GALNT18: variants seen among roughly 807,000 people sequenced by gnomAD.
The protein encoded by GALNT18 is GalNAc-transferase 18.
In GALNT18, 44 loss-of-function variants were observed where a neutral mutation model predicts 69.5. That is an observed-to-expected ratio of 0.63 (90% CI 0.50 to 0.81). The LOEUF is 0.81. Ranked by LOEUF, GALNT18 falls within the 40% of genes least tolerant of loss-of-function variation. The probability of loss-of-function intolerance (pLI) is 0.00; values close to 1 mark genes in which losing one functional copy is unlikely to be tolerated. For synonymous variants in GALNT18, 364 were observed against 318.2 expected (o/e 1.14, Z -1.53); for missense variants, 715 against 810.0 (o/e 0.88, Z 1.42).
intron 3 of GALNT18, among the ~76,000 whole-genome samples, chr11:11,412,611 G>A (rs772725504): frequency 5.9e-5 from 9 of 152,224 alleles, no homozygotes; most frequent in Non-Finnish European, 1.0e-4. Flanking sequence ...GTTCCAGCAT[G>A]CCTTGCAGTT....
At chr11:11,379,572 T>G (rs10831607) in intron 3 of GALNT18, among the ~76,000 whole-genome samples, 94,792 of 152,142 alleles carry the variant, frequency 0.62, 30,097 homozygotes, top group Middle Eastern at 0.78. Flanking sequence ...GCTCAAAAGA[T>G]TTTATCAAGT....
intron 1 of GALNT18, among the ~76,000 whole-genome samples, chr11:11,462,232 G>A (rs1052532690): frequency 6.6e-6 from 1 of 151,998 alleles, no homozygotes; most frequent in South Asian, 2.1e-4. Flanking sequence ...TCCTAGTCTT[G>A]GCTCTCAGTA....
chr11:11,608,656 T>A (rs1283943050), intron 1 of GALNT18, among the ~76,000 whole-genome samples: 1 of 152,168 alleles, frequency 6.6e-6, no homozygotes, highest in Non-Finnish European at 1.5e-5. Context: ...CCACAGCACC[T>A]GGCCGATTGT....
intron 1 of GALNT18, among the ~76,000 whole-genome samples, chr11:11,554,360 C>T (rs1858277509): frequency 6.6e-6 from 1 of 151,916 alleles, no homozygotes; most frequent in Non-Finnish European, 1.5e-5. Context: ...AAGTGGGGGA[C>T]CACCGTGACG....
intron 9 of GALNT18, among the ~76,000 whole-genome samples, chr11:11,301,703 C>G (rs1191590452): frequency 1.3e-5 from 2 of 152,188 alleles, no homozygotes; most frequent in Non-Finnish European, 2.9e-5. Flanking sequence ...GTAGCTGGAA[C>G]TCAGCCCATC....
intron 6 of GALNT18, among the ~76,000 whole-genome samples, chr11:11,346,966 A>C (rs1850314782): frequency 6.6e-6 from 1 of 152,132 alleles, no homozygotes; most frequent in African/African-American, 2.4e-5. Flanking sequence ...CCAGGTTTAA[A>C]AGAGATGCTG....
intron 6 of GALNT18, among the ~76,000 whole-genome samples, chr11:11,346,605 T>G (rs985485756): frequency 6.6e-6 from 1 of 152,218 alleles, no homozygotes; most frequent in African/African-American, 2.4e-5. Context: ...AGCTTCCTCT[T>G]GTGGAACCAT....
intron 1 of GALNT18, among the ~76,000 whole-genome samples, chr11:11,533,076 G>A (rs1235574545): frequency 6.6e-6 from 1 of 151,892 alleles, no homozygotes; most frequent in Non-Finnish European, 1.5e-5. Context: ...GCATTGCCCT[G>A]CCCACCCCCA....
rs761514504 is a variant in GALNT18, at chr11:11,309,204, C to A, written c.1513-16011G>T. On this transcript the variant is annotated intron_variant, in intron 9 of 10. Coordinates refer to ENST00000227756, the MANE Select transcript of GALNT18 (RefSeq NM_198516.3). The surrounding 1 kb of genome is among the most constrained non-coding windows in gnomAD (Gnocchi z 4.6). Reference sequence around the variant, plus strand: ...TCTACACTTCCACCATGGGATGACACCACAAGAAGGCCCTCACCGGATGCT... The same window carrying A: ...TCTACACTTCCACCATGGGATGACAACACAAGAAGGCCCTCACCGGATGCT... Among the ~76,000 whole-genome samples, 3 of 152,182 alleles carry A rather than the reference C, an allele frequency of 2.0e-5. No homozygotes were observed. The highest frequency in any genetic ancestry group is 4.4e-5 in the Non-Finnish European group (3 of 68,028).
chr11:11,404,673 ACT>A lies in GALNT18; in HGVS notation c.596-25411_596-25410del, dbSNP rs1369681371. Among the ~76,000 whole-genome samples, 7 of 151,592 alleles carry A rather than the reference ACT, an allele frequency of 4.6e-5. No homozygotes were observed. The South Asian group carries it at 1.3e-3, about 27-fold the overall frequency. On this transcript the variant is annotated intron_variant, in intron 3 of 10. Transcript: ENST00000227756. This position sits in a 1 kb window ranked among gnomAD's most constrained non-coding sequence, Gnocchi z 4.5. Reference sequence around the variant, plus strand: ...GCAGCCATATTCTCATTCAAATGGGACTCTCTCTGTCTCAACTCTCATTTCAA... The same window carrying A: ...GCAGCCATATTCTCATTCAAATGGGACTCTCTGTCTCAACTCTCATTTCAA...
In GALNT18 at chr11:11,344,772, T is replaced by G. The variant is rs149113147; in HGVS notation, c.1093-3768A>C. 5.2e-3 allele frequency among the ~76,000 whole-genome samples: 799 copies of G among 152,284 alleles called. 9 individuals carry two copies. Among genetic ancestry groups the G allele is most frequent in the African/African-American group, 0.018 (753 of 41,536 alleles). On this transcript the variant is annotated intron_variant, in intron 6 of 10. Coordinates refer to ENST00000227756, the MANE Select transcript of GALNT18 (RefSeq NM_198516.3). ...AGTGTGAGCACTATGTGGATGGCGG[T>G]CAAGGAAGCAAAGACACCCTGAACA...
chr11:11,539,145 G>A (rs1343582688), intron 1 of GALNT18, among the ~76,000 whole-genome samples: 2 of 152,202 alleles, frequency 1.3e-5, no homozygotes, highest in East Asian at 1.9e-4. Context: ...GAGGGCAAAC[G>A]CATCTGGGGC....
intron 1 of GALNT18, among the ~76,000 whole-genome samples, chr11:11,588,025 C>A (rs1362804501): frequency 6.6e-6 from 1 of 152,034 alleles, no homozygotes; most frequent in African/African-American, 2.4e-5. Flanking sequence ...GCTCCTAACC[C>A]TTTCCCCAAC....
At chr11:11,370,820 C>T (rs1280643147) in intron 6 of GALNT18, among the ~76,000 whole-genome samples, 3 of 152,232 alleles carry the variant, frequency 2.0e-5, no homozygotes, top group Admixed American at 1.3e-4. Context: ...CATTCCTGCA[C>T]ATTTTTACCC....
intron 6 of GALNT18, among the ~76,000 whole-genome samples, chr11:11,368,478 A>G (rs1446279488): frequency 1.3e-5 from 2 of 152,214 alleles, no homozygotes; most frequent in African/African-American, 4.8e-5. Flanking sequence ...TTGGAATTAT[A>G]AGATACTAAA....
At chr11:11,514,522 A>G (rs2133918400) in intron 1 of GALNT18, among the ~76,000 whole-genome samples, 1 of 152,372 alleles carries the variant, frequency 6.6e-6, no homozygotes, top group East Asian at 1.9e-4. Context: ...TCAGTTTTCT[A>G]AATGTGAAAT....
chr11:11,359,722 A>G (rs1205987097), intron 6 of GALNT18, among the ~76,000 whole-genome samples: 3 of 152,208 alleles, frequency 2.0e-5, no homozygotes, highest in African/African-American at 7.2e-5. Context: ...TTCCAAAGCA[A>G]TGCTGGCTGG....
At chr11:11,414,072 A>G (rs1191371368) in intron 3 of GALNT18, among the ~76,000 whole-genome samples, 2 of 151,390 alleles carry the variant, frequency 1.3e-5, no homozygotes, top group Non-Finnish European at 2.9e-5. Flanking sequence ...TTCATCCCCT[A>G]CATTCATCAG....
At chr11:11,280,151 C>G (rs887748770) in intron 10 of GALNT18, among the ~76,000 whole-genome samples, 3 of 152,120 alleles carry the variant, frequency 2.0e-5, no homozygotes, top group East Asian at 1.9e-4. Context: ...CACCCCCCGC[C>G]CGGGGAGTGC....
Sources: allele counts gnomAD v4.1 joint callset (sites outside exome capture counted in the v4.1 genomes callset), GRCh38; gene constraint gnomAD v4.1.1; non-coding constraint Gnocchi (gnomAD v3.1); transcripts MANE v1.5; gene names NCBI Gene and HGNC (gene_info 2026-07-23, HGNC 2026-07-21).